TENM4: variants seen among roughly 807,000 people sequenced by gnomAD.
TENM4 encodes teneurin-4.
TENM4 carries 82 observed loss-of-function variants against 243.3 expected under a neutral mutation model. The ratio of observed to expected loss-of-function variants is 0.34; its 90% CI spans 0.28 to 0.40. The LOEUF (loss-of-function observed/expected upper bound fraction) is 0.40, where lower values mean the gene tolerates loss of function less well. Among genes scored for constraint, TENM4 ranks in the 10% least tolerant of loss-of-function variants. The pLI is 1.00. For missense variants in TENM4, 3,138 were observed against 3,673.3 expected (o/e 0.85, Z 3.77); for synonymous variants, 1,412 against 1,456.3 (o/e 0.97, Z 0.69).
At chr11:78,882,248 GT>G (rs1029133917) in intron 9 of TENM4, among the ~76,000 whole-genome samples, 2 of 152,200 alleles carry the variant, frequency 1.3e-5, no homozygotes, top group Non-Finnish European at 2.9e-5. Flanking sequence ...ATGAATGGGT[GT>G]TGGGGGGTGG....
intron 1 of TENM4, among the ~76,000 whole-genome samples, chr11:79,386,099 A>G (rs2135532701): frequency 6.6e-6 from 1 of 152,382 alleles, no homozygotes; most frequent in South Asian, 2.1e-4. Context: ...GCAGGAGTCC[A>G]GAAGCAGACC....
chr11:78,865,745 G>T (rs767796780), intron 9 of TENM4, among the ~76,000 whole-genome samples: 11 of 152,194 alleles, frequency 7.2e-5, no homozygotes, highest in Non-Finnish European at 1.5e-4. Flanking sequence ...TGAAAGCAAC[G>T]AGATCCGACA....
At chr11:79,192,929 C>T (rs1050417926) in intron 3 of TENM4, 39 of 152,274 alleles carry the variant, frequency 2.6e-4, no homozygotes, top group African/African-American at 7.5e-4. Flanking sequence ...ACTCTGTTCC[C>T]AGCAAGGTTG....
intron 1 of TENM4, among the ~76,000 whole-genome samples, chr11:79,359,878 G>A (rs1857562388): frequency 6.6e-6 from 1 of 152,160 alleles, no homozygotes; most frequent in African/African-American, 2.4e-5. Context: ...AGGACCCGAA[G>A]CAGAGGCAGG....
intron 1 of TENM4, among the ~76,000 whole-genome samples, chr11:79,343,927 G>A (rs189903091): frequency 2.0e-5 from 3 of 152,308 alleles, no homozygotes; most frequent in East Asian, 1.9e-4. Flanking sequence ...CCCTTAGCTG[G>A]CACAAAGAAC....
At chr11:79,366,306 G>A (rs61882515) in intron 1 of TENM4, among the ~76,000 whole-genome samples, 12,158 of 152,308 alleles carry the variant, frequency 0.08, 569 homozygotes, top group Middle Eastern at 0.13. Context: ...GGAAGACCCA[G>A]GCTGGTTGGG....
At position 78,657,109 on chromosome 11, in the gene TENM4, G is replaced by A. The variant is rs1857914624; in HGVS notation, c.*949C>T. On this transcript the variant is annotated 3_prime_UTR_variant, in exon 34 of 34. Transcript: ENST00000278550. ...ATGCCTTTGCCATGGGTGGCCTTCT[G>A]TTCTGTGGACATGGTGCCCACATTG... 1 of 398,560 alleles carries A rather than the reference G, an allele frequency of 2.5e-6. No individual in the cohort carries two copies. Among genetic ancestry groups the A allele is most frequent in the African/African-American group, 2.1e-5 (1 of 48,624 alleles). 24.7% of individuals were successfully genotyped at this position (398,560 alleles called of 1,614,324 possible).
At chr11:78,772,047 G>A (rs1856656362) in intron 17 of TENM4, among the ~76,000 whole-genome samples, 2 of 152,160 alleles carry the variant, frequency 1.3e-5, no homozygotes, top group Non-Finnish European at 2.9e-5. Context: ...TAAAGGAGAC[G>A]TACAAAATAT....
At chr11:79,289,392 C>T (rs900327073) in intron 2 of TENM4, among the ~76,000 whole-genome samples, 3 of 152,236 alleles carry the variant, frequency 2.0e-5, no homozygotes, top group Admixed American at 1.3e-4. Flanking sequence ...GGGACTGTTG[C>T]TGTTGGCTGC....
At chr11:78,698,024 T>C (rs1437033091) in intron 28 of TENM4, among the ~76,000 whole-genome samples, 2 of 152,208 alleles carry the variant, frequency 1.3e-5, no homozygotes, top group African/African-American at 4.8e-5. Context: ...CTGTGAACTC[T>C]GTAAATCAAG....
intron 15 of TENM4, among the ~76,000 whole-genome samples, chr11:78,792,670 T>C (rs566854217): frequency 7.2e-5 from 11 of 152,328 alleles, no homozygotes; most frequent in African/African-American, 2.2e-4. Context: ...GTTGAAAGAA[T>C]AGATGAATGA....
At chr11:79,274,405 C>A (rs931656757) in intron 2 of TENM4, among the ~76,000 whole-genome samples, 1 of 152,226 alleles carries the variant, frequency 6.6e-6, no homozygotes, top group Non-Finnish European at 1.5e-5. Context: ...TGTCTTTCCA[C>A]AAAATCAACT....
At chr11:79,183,294 A>G (rs532341271) in intron 3 of TENM4, among the ~76,000 whole-genome samples, 1 of 152,310 alleles carries the variant, frequency 6.6e-6, no homozygotes, top group Non-Finnish European at 1.5e-5. Flanking sequence ...AAGTGAAGGA[A>G]GTCAATCCGA....
At chr11:79,286,967 C>G (rs1328313423) in intron 2 of TENM4, among the ~76,000 whole-genome samples, 1 of 152,210 alleles carries the variant, frequency 6.6e-6, no homozygotes, top group Non-Finnish European at 1.5e-5. Flanking sequence ...AAGCTGTCTG[C>G]ATAGACCACA....
At chr11:78,789,683 A>G (rs1857014273) in intron 15 of TENM4, among the ~76,000 whole-genome samples, 1 of 152,192 alleles carries the variant, frequency 6.6e-6, no homozygotes, top group South Asian at 2.1e-4. Context: ...GTGAGCCAGG[A>G]GAGGGGCGGG....
intron 1 of TENM4, among the ~76,000 whole-genome samples, chr11:79,333,949 C>T (rs185843955): frequency 6.6e-6 from 1 of 152,300 alleles, no homozygotes; most frequent in Admixed American, 6.5e-5. Flanking sequence ...ATTTCCTCTC[C>T]CTTGAAAAGG....
chr11:78,965,906 A>C (rs1363499957), intron 6 of TENM4, among the ~76,000 whole-genome samples: 3 of 152,210 alleles, frequency 2.0e-5, no homozygotes, highest in African/African-American at 7.2e-5. Context: ...GGTACACAGA[A>C]CTATTTCCTA....
intron 1 of TENM4, among the ~76,000 whole-genome samples, chr11:79,367,295 A>G (rs1857694891): frequency 6.6e-6 from 1 of 152,218 alleles, no homozygotes; most frequent in African/African-American, 2.4e-5. Context: ...CCTTATATGC[A>G]TGGCTACTAG....
intron 15 of TENM4, among the ~76,000 whole-genome samples, chr11:78,800,936 T>C (rs1857269088): frequency 6.6e-6 from 1 of 152,164 alleles, no homozygotes; most frequent in African/African-American, 2.4e-5. Context: ...TATCTGGAAA[T>C]GGTAATACTA....
Sources: gnomAD v4.1 joint callset for allele counts (sites outside exome capture counted in the v4.1 genomes callset) on GRCh38, gnomAD v4.1.1 for gene constraint, MANE v1.5 for transcripts, NCBI Gene and HGNC (gene_info 2026-07-23, HGNC 2026-07-21) for gene names.